Variants in SCEL observed in about 807,000 individuals in gnomAD.
SCEL encodes the protein sciellin.
SCEL carries 113 observed loss-of-function variants against 117.6 expected under a neutral mutation model. The observed-to-expected ratio is 0.96, with a 90% CI of 0.83 to 1.12. The LOEUF (loss-of-function observed/expected upper bound fraction) is 1.12, where lower values mean the gene tolerates loss of function less well. Ranked by LOEUF, SCEL falls within the 50% of genes most tolerant of loss-of-function variation. The pLI is 0.00. For synonymous variants in SCEL, 270 were observed against 256.2 expected, an observed-to-expected ratio of 1.05 and a Z score of -0.51; for missense variants, 785 against 810.8, an observed-to-expected ratio of 0.97 and a Z score of 0.39.
Position 77,627,948 on chromosome 13 carries a change from G to T in SCEL, c.1630G>T (p.Asp544Tyr). ...ATATATATATATTTTTTTCCTTAGA[G>T]ACCAGAACCTGGAAAATTTAATTGA... ...KPSALRNTNRDQNLENLIEVN... is the reference protein window; with the variant it reads ...KPSALRNTNRYQNLENLIEVN... Residue 544 changes from aspartate (D) to tyrosine (Y), a missense_variant and splice_region_variant, in exon 28 of 33, where the codon GAC becomes TAC. Physicochemically the swap from Asp to Tyr is radical, Grantham distance 160 (BLOSUM62 -3). Transcript: ENST00000349847. The T allele has an allele frequency of 1.4e-6, 2 of 1,419,486 alleles. No individual in the cohort carries two copies. The highest frequency in any genetic ancestry group is 1.3e-5 in the South Asian group (1 of 75,312). 87.9% of individuals were successfully genotyped at this position (1,419,486 alleles called of 1,614,324 possible).
chr13:77,605,327 T>C (rs547300671), intron 19 of SCEL, among the ~76,000 whole-genome samples: 2 of 152,256 alleles, frequency 1.3e-5, no homozygotes, highest in African/African-American at 4.8e-5. Context: ...TTTGTGTAGG[T>C]GTGGCATGGT....
intron 9 of SCEL, among the ~76,000 whole-genome samples, chr13:77,586,879 A>G (rs895564799): frequency 6.6e-6 from 1 of 152,034 alleles, no homozygotes; most frequent in Non-Finnish European, 1.5e-5. Flanking sequence ...TTAATCTGTA[A>G]AATGGGAAGA....
At chr13:77,571,538 A>C (rs1002986530) in intron 8 of SCEL, among the ~76,000 whole-genome samples, 8 of 151,222 alleles carry the variant, frequency 5.3e-5, no homozygotes, top group African/African-American at 1.5e-4. Flanking sequence ...AAAATTACAA[A>C]ATTAGCTGGG....
chr13:77,550,123 C>T (rs913069976), intron 1 of SCEL, among the ~76,000 whole-genome samples: 1 of 151,644 alleles, frequency 6.6e-6, no homozygotes. Flanking sequence ...TGGTGGCTCA[C>T]ATCTGTAATC....
chr13:77,547,310 G>T (rs1007724718), intron 1 of SCEL, among the ~76,000 whole-genome samples: 2 of 152,194 alleles, frequency 1.3e-5, no homozygotes, highest in African/African-American at 4.8e-5. Context: ...GATTTACCCT[G>T]AAATCTATAG....
chr13:77,558,947 C>T (rs555663067), intron 3 of SCEL, among the ~76,000 whole-genome samples: 2 of 151,994 alleles, frequency 1.3e-5, no homozygotes, highest in South Asian at 4.2e-4. Flanking sequence ...TCTGCCTTGG[C>T]TCAAATCCAA....
At chr13:77,643,502 G>A (rs952945090) in intron 32 of SCEL, among the ~76,000 whole-genome samples, 2 of 152,098 alleles carry the variant, frequency 1.3e-5, no homozygotes, top group Non-Finnish European at 2.9e-5. Flanking sequence ...TTTCCTTTTA[G>A]ATTCAATAGT....
At chr13:77,607,800 C>A (rs1212384166) in intron 19 of SCEL, among the ~76,000 whole-genome samples, 1 of 152,156 alleles carries the variant, frequency 6.6e-6, no homozygotes, top group Non-Finnish European at 1.5e-5. Flanking sequence ...AATCCTAGTG[C>A]AATACTTGCT....
chr13:77,620,770 A>G (rs2089366260), intron 27 of SCEL, among the ~76,000 whole-genome samples: 1 of 146,628 alleles, frequency 6.8e-6, no homozygotes, highest in Non-Finnish European at 1.5e-5. Flanking sequence ...AGGCCTTTAT[A>G]GTTAGAAAAG....
intron 8 of SCEL, among the ~76,000 whole-genome samples, chr13:77,571,543 G>T (rs2085624703): frequency 6.6e-6 from 1 of 151,670 alleles, no homozygotes; most frequent in South Asian, 2.1e-4. Flanking sequence ...TACAAAATTA[G>T]CTGGGCGTGG....
chr13:77,538,951 A>G (rs1315247191), intron 1 of SCEL, among the ~76,000 whole-genome samples: 2 of 152,242 alleles, frequency 1.3e-5, no homozygotes, highest in Non-Finnish European at 2.9e-5. Context: ...AGCATGGCAC[A>G]TGTCTGTATG....
chr13:77,598,637 C>T (rs1303913292), intron 13 of SCEL, among the ~76,000 whole-genome samples: 1 of 152,184 alleles, frequency 6.6e-6, no homozygotes, highest in Admixed American at 6.5e-5. Flanking sequence ...TGTTGCAGGA[C>T]AGCAGGGCAT....
chr13:77,631,749 A>G (rs760476936), intron 28 of SCEL, among the ~76,000 whole-genome samples: 6 of 152,256 alleles, frequency 3.9e-5, no homozygotes, highest in Non-Finnish European at 8.8e-5. Context: ...GTTCACAGTT[A>G]TAAAAATTAA....
rs145876410 is a variant in SCEL at position 77,594,084 on chromosome 13, G to A, written c.752+511G>A. Among the ~76,000 whole-genome samples, 333 of 152,128 alleles carry A rather than the reference G, an allele frequency of 2.2e-3. 6 individuals carry two copies. Among genetic ancestry groups the A allele is most frequent in the Admixed American group, 0.019 (295 of 15,270 alleles). On this transcript the variant is annotated intron_variant, in intron 12 of 32. Coordinates refer to ENST00000349847, the MANE Select transcript of SCEL (RefSeq NM_144777.3). The stretch of plus-strand genomic sequence containing the variant: ...TCTAAAATGTCCCTCATGTGTACAC[G>A]GATTTCCCCTAGTTTAAAACCTCAT...
chr13:77,540,175 T>C (rs970470893), intron 1 of SCEL, among the ~76,000 whole-genome samples: 2 of 152,172 alleles, frequency 1.3e-5, no homozygotes, highest in East Asian at 1.9e-4. Flanking sequence ...ACAAAATATA[T>C]TGTAAAAATT....
Position 77,577,955 on chromosome 13 carries a change from T to G in SCEL, c.545+5766T>G, listed in dbSNP as rs937300332. ...CCAGGGAGTTTAGTCCTTGTTTTTT[T>G]CCCTGCGCTAGCCTGTCCTTAGAGA... On this transcript the variant is annotated intron_variant, in intron 9 of 32. Coordinates refer to ENST00000349847, the MANE Select transcript of SCEL (RefSeq NM_144777.3). Among the ~76,000 whole-genome samples, 11 of 152,162 alleles carry G rather than the reference T, an allele frequency of 7.2e-5. No individual in the cohort carries two copies. The South Asian group carries it at 1.2e-3, about 17-fold the overall frequency.
At chr13:77,537,753 C>T (rs899543615) in intron 1 of SCEL, among the ~76,000 whole-genome samples, 2 of 152,134 alleles carry the variant, frequency 1.3e-5, no homozygotes, top group African/African-American at 2.4e-5. Context: ...GGTTCATATT[C>T]CTGGGGACTA....
rs141128678 is a variant in SCEL, at chr13:77,574,145, A to G, written c.545+1956A>G. 2.5e-3 allele frequency among the ~76,000 whole-genome samples: 377 copies of G among 152,368 alleles called. 2 individuals carry two copies. Among genetic ancestry groups the G allele is most frequent in the African/African-American group, 8.3e-3 (346 of 41,590 alleles). ...TGTTCATTATTCCAATATCATTATA[A>G]AAAGCAACTGGTTATATAACAGTGT... On this transcript the variant is annotated intron_variant, in intron 9 of 32. Transcript: ENST00000349847.
At chr13:77,572,932 A>G (rs2085726421) in intron 9 of SCEL, among the ~76,000 whole-genome samples, 1 of 152,170 alleles carries the variant, frequency 6.6e-6, no homozygotes, top group South Asian at 2.1e-4. Context: ...AGGGGTTCCA[A>G]TGTGGGCTCT....
Sources: gnomAD v4.1 joint callset for allele counts (sites outside exome capture counted in the v4.1 genomes callset) on GRCh38, gnomAD v4.1.1 for gene constraint, MANE v1.5 for transcripts, NCBI Gene and HGNC (gene_info 2026-07-23, HGNC 2026-07-21) for gene names.